CELF2: variants seen among roughly 807,000 people sequenced by gnomAD.
The protein encoded by CELF2 is CUGBP Elav-like family member 2.
Under a neutral mutation model 62.6 loss-of-function variants are expected in CELF2, and 8 were observed. The ratio of observed to expected loss-of-function variants is 0.13; its 90% CI spans 0.07 to 0.23. CELF2 has a LOEUF of 0.23. Among genes scored for constraint, CELF2 ranks in the 10% least tolerant of loss-of-function variants. The pLI, the probability that CELF2 is intolerant of heterozygous loss-of-function variation, is 1.00. For synonymous variants in CELF2, 258 were observed against 250.0 expected, an observed-to-expected ratio of 1.03 and a Z score of -0.30; for missense variants, 333 against 671.0, an observed-to-expected ratio of 0.50 and a Z score of 5.56.
chr10:10,629,715 C>T, the CELF2 span, among the ~76,000 whole-genome samples: 2 of 151,872 alleles, frequency 1.3e-5, no homozygotes, highest in Admixed American at 6.6e-5. Flanking sequence ...AACTGTTTTC[C>T]GGTGAGGATG....
chr10:11,313,171 A>G (rs1009569531), intron 9 of CELF2, among the ~76,000 whole-genome samples: 14 of 152,372 alleles, frequency 9.2e-5, no homozygotes, highest in African/African-American at 2.6e-4. Context: ...AACAGACTTC[A>G]AGGAAAAATT....
In CELF2 at chr10:11,250,246, T is replaced by C. The variant is rs183064930; in HGVS notation, c.403+1045T>C. On this transcript the variant is annotated intron_variant, in intron 4 of 12. Transcript: ENST00000633077. Reference sequence around the variant, plus strand: ...GCTTTCAGCAGAAGGCAGCGGCCCATACCTGTAGTTGAAGCTGCTCAGGAG... The same window carrying C: ...GCTTTCAGCAGAAGGCAGCGGCCCACACCTGTAGTTGAAGCTGCTCAGGAG... Among the ~76,000 whole-genome samples the C allele has an allele frequency of 2.9e-3, 449 of 152,316 alleles. 2 individuals carry two copies. The highest frequency in any genetic ancestry group is 0.01 in the African/African-American group (424 of 41,576).
At chr10:10,506,913 C>T in the CELF2 span, among the ~76,000 whole-genome samples, 33 of 152,092 alleles carry the variant, frequency 2.2e-4, no homozygotes, top group Admixed American at 9.2e-4. Context: ...GATCCACCTG[C>T]CTCAGCCTCC....
chr10:10,665,242 C>T, the CELF2 span, among the ~76,000 whole-genome samples: 1 of 152,228 alleles, frequency 6.6e-6, no homozygotes, highest in South Asian at 2.1e-4. Flanking sequence ...TGGAAAAAAA[C>T]ATGGAAATCA....
In CELF2 at chr10:11,223,772, CG is replaced by C. The variant is rs2065623919; in HGVS notation, c.354+6267del. Among the ~76,000 whole-genome samples the C allele has an allele frequency of 6.6e-6, 1 of 152,118 alleles. No individual in the cohort carries two copies. The highest frequency in any genetic ancestry group is 2.4e-5 in the African/African-American group (1 of 41,412). ...TGCAACAGGATGGCTCCCAGCTGAG[CG>C]GTATAGATCCAGGAGAGGATATCGG... is the stretch of plus-strand genomic sequence containing the variant. On this transcript the variant is annotated intron_variant, in intron 3 of 12. Transcript: ENST00000633077. The surrounding 1 kb of genome is among the most constrained non-coding windows in gnomAD (Gnocchi z 5.1).
chr10:10,485,464 G>C, the CELF2 span, among the ~76,000 whole-genome samples: 1 of 152,112 alleles, frequency 6.6e-6, no homozygotes, highest in African/African-American at 2.4e-5. Context: ...CAAGTCTTTT[G>C]GTTACAAGTG....
intron 2 of CELF2, among the ~76,000 whole-genome samples, chr10:11,212,209 C>T (rs1388960085): frequency 6.6e-6 from 1 of 152,200 alleles, no homozygotes; most frequent in East Asian, 1.9e-4. Flanking sequence ...CTGCAGCAGG[C>T]CCCTGGGGAG....
chr10:11,057,630 C>CG (rs1469326668), intron 1 of CELF2, among the ~76,000 whole-genome samples: 3 of 152,090 alleles, frequency 2.0e-5, no homozygotes, highest in Non-Finnish European at 4.4e-5. Context: ...AAGCCATTGA[C>CG]GTAGTATGTT....
chr10:11,038,131 T>C (rs2061264551), intron 1 of CELF2, among the ~76,000 whole-genome samples: 1 of 152,222 alleles, frequency 6.6e-6, no homozygotes, highest in Non-Finnish European at 1.5e-5. Context: ...TGAGAAATGC[T>C]TTGTGTCCCA....
the CELF2 span, among the ~76,000 whole-genome samples, chr10:10,557,791 A>T: frequency 7.0e-6 from 1 of 142,766 alleles, no homozygotes. Flanking sequence ...ATTCTCTTTG[A>T]AGCAATTGTG....
chr10:11,322,634 C>T (rs1451043844), intron 11 of CELF2, among the ~76,000 whole-genome samples: 5 of 105,156 alleles, frequency 4.8e-5, no homozygotes, highest in South Asian at 2.8e-4. Context: ...AAAAGATACT[C>T]ATGGTTTTTT....
chr10:10,619,148 G>A, the CELF2 span, among the ~76,000 whole-genome samples: 1 of 152,206 alleles, frequency 6.6e-6, no homozygotes, highest in African/African-American at 2.4e-5. Context: ...ATTTACCTAT[G>A]CAAGCTTCAA....
rs530654368 is a variant in CELF2 at position 11,191,299 on chromosome 10, G to A, written c.271+25617G>A. On this transcript the variant is annotated intron_variant, in intron 2 of 12. Coordinates refer to ENST00000633077, the MANE Select transcript of CELF2 (RefSeq NM_001326342.2). This position sits in a 1 kb window ranked among gnomAD's most constrained non-coding sequence, Gnocchi z 4.1. ...GTAAATGGGCAGGAGTGGGAGTGTGGGAAGGGGCCATGCTCTGTTGATCTC... is the reference window on the plus strand; with the variant it reads ...GTAAATGGGCAGGAGTGGGAGTGTGAGAAGGGGCCATGCTCTGTTGATCTC... Among the ~76,000 whole-genome samples, 14 of 152,324 alleles carry A rather than the reference G, an allele frequency of 9.2e-5. No homozygotes were observed. Among genetic ancestry groups the A allele is most frequent in the South Asian group, 2.1e-4 (1 of 4,828 alleles).
intron 1 of CELF2, among the ~76,000 whole-genome samples, chr10:11,104,253 A>G (rs2052716175): frequency 6.6e-6 from 1 of 152,222 alleles, no homozygotes; most frequent in Non-Finnish European, 1.5e-5. Flanking sequence ...TATGTCCTAG[A>G]ATCTATTATA....
In CELF2 at chr10:11,217,211, A is replaced by G. The variant is rs2063578583; in HGVS notation, c.272-214A>G. Among the ~76,000 whole-genome samples the G allele has an allele frequency of 6.6e-6, 1 of 152,226 alleles. No individual in the cohort carries two copies. ...CAGAGAGGTGAGGCACAGAGTCAGG[A>G]ATTGATCTCCAACGTGGGTAAAGCT... is the stretch of plus-strand genomic sequence containing the variant. On this transcript the variant is annotated intron_variant, in intron 2 of 12. Coordinates refer to ENST00000633077, the MANE Select transcript of CELF2 (RefSeq NM_001326342.2). The surrounding 1 kb of genome is among the most constrained non-coding windows in gnomAD (Gnocchi z 5.6).
intron 1 of CELF2, among the ~76,000 whole-genome samples, chr10:11,146,096 A>G (rs2062221234): frequency 6.6e-6 from 1 of 152,188 alleles, no homozygotes; most frequent in Non-Finnish European, 1.5e-5. Context: ...CCAGCCCAGG[A>G]TTGCATAGCA....
chr10:10,711,202 G>T, the CELF2 span, among the ~76,000 whole-genome samples: 2 of 152,046 alleles, frequency 1.3e-5, no homozygotes, highest in Non-Finnish European at 2.9e-5. Flanking sequence ...GCTTTATATT[G>T]ACGCCTAAAA....
chr10:11,208,717 G>T (rs964302937), intron 2 of CELF2, among the ~76,000 whole-genome samples: 2 of 152,212 alleles, frequency 1.3e-5, no homozygotes, highest in African/African-American at 4.8e-5. Flanking sequence ...TGGCTTTGGG[G>T]AAACGGGGTT....
At chr10:11,147,449 A>G (rs913376142) in intron 1 of CELF2, among the ~76,000 whole-genome samples, 1 of 152,118 alleles carries the variant, frequency 6.6e-6, no homozygotes, top group Non-Finnish European at 1.5e-5. Flanking sequence ...GTAATTAAAA[A>G]CCAAAGCTAC....
Sources: gnomAD v4.1 joint callset for allele counts (sites outside exome capture counted in the v4.1 genomes callset) on GRCh38, gnomAD v4.1.1 for gene constraint, Gnocchi (gnomAD v3.1) non-coding constraint, MANE v1.5 for transcripts, NCBI Gene and HGNC (gene_info 2026-07-23, HGNC 2026-07-21) for gene names.